Variants in CYP2E1 observed in about 807,000 individuals in gnomAD.
CYP2E1 encodes the protein cytochrome P450 family 2 subfamily E member 1.
In CYP2E1, 31 loss-of-function variants were observed where a neutral mutation model predicts 42.9. The observed-to-expected ratio is 0.72, with a 90% CI of 0.54 to 0.98. CYP2E1 has a LOEUF of 0.98. CYP2E1 is among the 50% of genes least tolerant of loss of function. The pLI, the probability that CYP2E1 is intolerant of heterozygous loss-of-function variation, is 0.00. For missense variants in CYP2E1, 565 were observed against 633.2 expected (o/e 0.89, Z 1.16); for synonymous variants, 244 against 248.9 (o/e 0.98, Z 0.19).
At position 133,532,834 on chromosome 10, in the gene CYP2E1, A is replaced by T; in HGVS notation, c.791A>T (p.Asp264Val). The change falls in exon 5 of 9, where the codon GAC becomes GTC. Residue 264 changes from aspartate to valine, a missense_variant. By Grantham distance (152) the Asp-to-Val change is radical (BLOSUM62 -3). Transcript: ENST00000252945. Reference sequence around the variant, plus strand: ...TCTCTGGACCCCAACTGTCCCCGGGACCTCACCGACTGCCTGCTCGTGGAA... The same window carrying T: ...TCTCTGGACCCCAACTGTCCCCGGGTCCTCACCGACTGCCTGCTCGTGGAA... ...HQSLDPNCPR[D>V]LTDCLLVEME... 6.2e-7 allele frequency: 1 copy of T among 1,609,952 alleles called. No individual in the cohort carries two copies. The highest frequency in any genetic ancestry group is 8.5e-7 in the Non-Finnish European group (1 of 1,178,896).
At chr10:133,530,653 C>T (rs1851325040) in intron 2 of CYP2E1, among the ~76,000 whole-genome samples, 1 of 152,136 alleles carries the variant, frequency 6.6e-6, no homozygotes, top group African/African-American at 2.4e-5. Context: ...TTGTTTACCG[C>T]AGAATGCCCA....
chr10:133,532,052 A>C, intron 3 of CYP2E1, 72 bp from the exon 4 acceptor site: 2 of 1,436,532 alleles, frequency 1.4e-6, no homozygotes, highest in Non-Finnish European at 1.9e-6. Context: ...GGTGAACCTC[A>C]GTGGGTGACT....
At chr10:133,531,224 G>A (rs1007235907) in intron 2 of CYP2E1, among the ~76,000 whole-genome samples, 4 of 152,196 alleles carry the variant, frequency 2.6e-5, no homozygotes, top group Non-Finnish European at 4.4e-5. Context: ...GAAAGAGGTG[G>A]GAGGTGTTCT....
intron 2 of CYP2E1, 152 bp from the exon 3 acceptor site, chr10:133,531,433 C>A: frequency 1.1e-6 from 1 of 923,386 alleles, no homozygotes; most frequent in Non-Finnish European, 1.7e-6. Flanking sequence ...AGCTCCCAGG[C>A]TGGGACACCC....
rs749979006 is a variant in CYP2E1 at position 133,533,775 on chromosome 10, G to A, written c.845G>A (p.Arg282His). The change falls in exon 6 of 9, where the codon CGC (arginine) becomes CAC (histidine). Residue 282 changes from arginine to histidine, a missense_variant. Arg to His is a conservative substitution (Grantham distance 29). Transcript: ENST00000252945. The stretch of plus-strand genomic sequence containing the variant: ...TCACAGGAAAAGCACAGTGCAGAGC[G>A]CTTGTACACAATGGACGGTATCACC... ...EMEKEKHSAE[R>H]LYTMDGITVT... is the part of the protein sequence containing the mutation. 19 of 1,614,050 alleles carry A rather than the reference G, an allele frequency of 1.2e-5. No homozygotes were observed. Among genetic ancestry groups the A allele is most frequent in the Middle Eastern group, 1.6e-4 (1 of 6,082 alleles).
At chr10:133,531,901 C>T in intron 3 of CYP2E1, 167 bp downstream of exon 3, 1 of 803,720 alleles carries the variant, frequency 1.2e-6, no homozygotes. Flanking sequence ...TCCAGCTACA[C>T]AGTTCAGGGA....
At chr10:133,532,913 A>G in intron 5 of CYP2E1, 45 bp downstream of exon 5, 1 of 1,527,310 alleles carries the variant, frequency 6.5e-7, no homozygotes, top group Non-Finnish European at 8.8e-7. Flanking sequence ...GGGTGGGCAG[A>G]GAATGCACAA....
chr10:133,528,418 G>A (rs1851296893), intron 1 of CYP2E1, 63 bp from the exon 2 acceptor site: 4 of 1,591,406 alleles, frequency 2.5e-6, no homozygotes, highest in Non-Finnish European at 3.4e-6. Context: ...CAGGGGTGTG[G>A]CTTAGAGCCC....
At position 133,537,656 on chromosome 10, in the gene CYP2E1, A is replaced by G. The variant is rs1277193759; in HGVS notation, c.1156-95A>G. 9 of 1,079,246 alleles carry G rather than the reference A, an allele frequency of 8.3e-6. No homozygotes were observed. In the Admixed American group the frequency reaches 1.2e-4, roughly 15 times the overall value. 66.9% of individuals were successfully genotyped at this position (1,079,246 alleles called of 1,614,324 possible). On this transcript the variant is annotated intron_variant, in intron 7 of 8. Transcript: ENST00000252945. ...CTGGAAATATACTATCCTATATAGC[A>G]TAATATTCAAAACTACATTCTTCAC...
rs1281657912 is a variant in CYP2E1, at chr10:133,532,267, A to G, written c.631A>G (p.Ser211Gly). The stretch of plus-strand genomic sequence containing the variant: ...GTTTAATGAGAACTTCCACCTACTC[A>G]GCACTCCCTGGCTCCAGGTGAAGCC... ...YLFNENFHLL[S>G]TPWLQLYNNF... The change falls in exon 4 of 9, where the codon AGC (serine) becomes GGC (glycine). Residue 211 changes from serine (S) to glycine (G), a missense_variant. Transcript: ENST00000252945. The G allele has an allele frequency of 6.2e-7, 1 of 1,613,158 alleles. No homozygotes were observed. Among genetic ancestry groups the G allele is most frequent in the Admixed American group, 1.7e-5 (1 of 60,018 alleles).
At chr10:133,533,011 T>G in intron 5 of CYP2E1, 143 bp downstream of exon 5, 1 of 809,934 alleles carries the variant, frequency 1.2e-6, no homozygotes, top group Non-Finnish European at 1.8e-6. Context: ...ACTCTTGGCT[T>G]CAGCATGACC....
In CYP2E1 at chr10:133,527,581, AAT is replaced by A; in HGVS notation, c.177+11_177+12del. The A allele has an allele frequency of 6.3e-7, 1 of 1,599,412 alleles. No individual in the cohort carries two copies. On this transcript the variant is annotated intron_variant, in intron 1 of 8. Coordinates refer to ENST00000252945, the MANE Select transcript of CYP2E1 (RefSeq NM_000773.4). ...CCAAGTCCTTCACCCGGGTAAGAGA[AAT>A]AGTGTTGATTTTAGGGAGAATAACT...
At chr10:133,528,286 C>T in intron 1 of CYP2E1, 195 bp from the exon 2 acceptor site, 1 of 613,248 alleles carries the variant, frequency 1.6e-6, no homozygotes, top group South Asian at 2.1e-5. Flanking sequence ...CTGGAACCCC[C>T]CGAGCGCCCT....
chr10:133,537,419 C>T (rs1388208690), intron 7 of CYP2E1, 169 bp downstream of exon 7: 5 of 673,878 alleles, frequency 7.4e-6, no homozygotes, highest in Non-Finnish European at 9.9e-6. Context: ...TCCAGGAGTG[C>T]TCACATTGGC....
chr10:133,531,893 C>T (rs1044834142), intron 3 of CYP2E1, 159 bp downstream of exon 3: 1 of 822,364 alleles, frequency 1.2e-6, no homozygotes, highest in Non-Finnish European at 1.9e-6. Flanking sequence ...CTCTAGGTTC[C>T]AGCTACACAG....
At chr10:133,538,003 C>T in intron 8 of CYP2E1, 111 bp downstream of exon 8, 1 of 1,026,682 alleles carries the variant, frequency 9.7e-7, no homozygotes, top group East Asian at 2.5e-5. Flanking sequence ...CCCCAAACCT[C>T]ACTGTGTGCC....
intron 1 of CYP2E1, 141 bp from the exon 2 acceptor site, chr10:133,528,340 G>A (rs993204146): frequency 4.0e-6 from 4 of 999,462 alleles, no homozygotes; most frequent in Non-Finnish European, 5.8e-6. Flanking sequence ...CCCCACCTCG[G>A]GCTGGACAAA....
intron 6 of CYP2E1, among the ~76,000 whole-genome samples, chr10:133,535,453 C>T (rs2864984): frequency 2.0e-5 from 3 of 152,058 alleles, no homozygotes; most frequent in Admixed American, 6.5e-5. Context: ...GTGTGGCCAC[C>T]GTGCCCCATC....
chr10:133,532,549 A>C (rs993734716), intron 4 of CYP2E1, 143 bp from the exon 5 acceptor site: 1 of 820,364 alleles, frequency 1.2e-6, no homozygotes, highest in Non-Finnish European at 1.9e-6. Flanking sequence ...AATGGTGCCC[A>C]AGAAGGACAC....
Sources: allele counts gnomAD v4.1 joint callset (sites outside exome capture counted in the v4.1 genomes callset), GRCh38; gene constraint gnomAD v4.1.1; transcripts MANE v1.5; gene names NCBI Gene and HGNC (gene_info 2026-07-23, HGNC 2026-07-21).